The following CSMD1 variants were observed in gnomAD, a reference collection of about 807,000 sequenced individuals.
CSMD1 encodes the protein CUB and Sushi multiple domains 1, also known as CUB and sushi domain-containing protein 1.
CSMD1 carries 213 observed loss-of-function variants against 417.5 expected under a neutral mutation model. The observed-to-expected ratio is 0.51, with a 90% CI of 0.46 to 0.57. CSMD1 has a LOEUF of 0.57. CSMD1 is among the 20% of genes least tolerant of loss of function. The pLI, the probability that CSMD1 is intolerant of heterozygous loss-of-function variation, is 0.00. For synonymous variants in CSMD1, 2,862 were observed against 1,736.8 expected (o/e 1.65, Z -16.11); for missense variants, 6,923 against 4,529.7 (o/e 1.53, Z -15.17).
intron 2 of CSMD1, among the ~76,000 whole-genome samples, chr8:4,475,985 G>A (rs1034939921): frequency 3.9e-5 from 6 of 152,004 alleles, no homozygotes; most frequent in African/African-American, 1.4e-4. Flanking sequence ...TATTTGCACA[G>A]TCATATCTTT....
intron 7 of CSMD1, among the ~76,000 whole-genome samples, chr8:3,687,710 G>A (rs1800009307): frequency 6.6e-6 from 1 of 152,140 alleles, no homozygotes; most frequent in African/African-American, 2.4e-5. Flanking sequence ...GATGGCTGGT[G>A]GCCTTTGGAA....
intron 18 of CSMD1, among the ~76,000 whole-genome samples, chr8:3,381,827 A>T (rs976969209): frequency 6.6e-6 from 1 of 152,208 alleles, no homozygotes; most frequent in African/African-American, 2.4e-5. Flanking sequence ...GGCGAGCATG[A>T]GAGTTACAAT....
At position 3,695,464 on chromosome 8, in the gene CSMD1, G is replaced by T. The variant is rs78308118; in HGVS notation, c.1009+12950C>A. ...ATTGAATATTAATATAAAATCATGA[G>T]AAATACAAATCTGGCTTTACCTTAT... is the stretch of plus-strand genomic sequence containing the variant. On this transcript the variant is annotated intron_variant, in intron 7 of 69. Transcript: ENST00000635120. Among the ~76,000 whole-genome samples, 4 of 152,108 alleles carry T rather than the reference G, an allele frequency of 2.6e-5. No individual in the cohort carries two copies. The East Asian group carries it at 5.8e-4, about 22-fold the overall frequency.
At chr8:4,212,750 TC>T (rs1378222881) in intron 3 of CSMD1, among the ~76,000 whole-genome samples, 80 of 97,904 alleles carry the variant, frequency 8.2e-4, no homozygotes, top group East Asian at 3.1e-3. Context: ...GCGGCCTTAT[TC>T]TTTTTTTTTT....
rs575496796 is a variant in CSMD1, at chr8:3,956,221, T to A, written c.818+41682A>T. On this transcript the variant is annotated intron_variant, in intron 5 of 69. Coordinates refer to ENST00000635120, the MANE Select transcript of CSMD1 (RefSeq NM_033225.6). ...AACTAAATGTAGATAGCATATAATG[T>A]GCCAGGTGGTGTTGTTAACTTTTTC... Among the ~76,000 whole-genome samples the A allele has an allele frequency of 4.6e-5, 7 of 152,194 alleles. No individual in the cohort carries two copies. The South Asian group carries it at 1.5e-3, about 32-fold the overall frequency.
At chr8:4,477,496 C>A (rs973771523) in intron 2 of CSMD1, among the ~76,000 whole-genome samples, 1 of 152,190 alleles carries the variant, frequency 6.6e-6, no homozygotes, top group African/African-American at 2.4e-5. Flanking sequence ...AATTAAAATG[C>A]AGCATTACGT....
rs529625473 is a variant in CSMD1, at chr8:3,847,310, T to G, written c.819-93268A>C. ...CAAAGGCAGTTGATTTGGGAGAACC[T>G]GACCTACTTAGAGGAACCCTTAAAA... On this transcript the variant is annotated intron_variant, in intron 5 of 69. Transcript: ENST00000635120. Among the ~76,000 whole-genome samples the G allele has an allele frequency of 1.5e-4, 23 of 152,276 alleles. No individual in the cohort carries two copies. In the East Asian group the frequency reaches 4.4e-3, roughly 29 times the overall value.
chr8:4,451,365 T>A (rs1411926951), intron 2 of CSMD1, among the ~76,000 whole-genome samples: 1 of 152,094 alleles, frequency 6.6e-6, no homozygotes, highest in Non-Finnish European at 1.5e-5. Flanking sequence ...AATAAGGCAA[T>A]CACAAGTGTT....
intron 7 of CSMD1, among the ~76,000 whole-genome samples, chr8:3,661,600 G>C (rs1479742419): frequency 6.6e-6 from 1 of 152,092 alleles, no homozygotes; most frequent in Non-Finnish European, 1.5e-5. Context: ...GGGTTCAAGT[G>C]ATTCTCCCGC....
At chr8:4,373,102 C>G (rs989809454) in intron 3 of CSMD1, among the ~76,000 whole-genome samples, 3 of 152,156 alleles carry the variant, frequency 2.0e-5, no homozygotes, top group Admixed American at 6.5e-5. Flanking sequence ...CCCAAAACCC[C>G]AAACTCCAGT....
At chr8:4,294,687 G>A (rs182006762) in intron 3 of CSMD1, among the ~76,000 whole-genome samples, 1 of 151,998 alleles carries the variant, frequency 6.6e-6, no homozygotes, top group Non-Finnish European at 1.5e-5. Context: ...AATATTCTAA[G>A]ATGACCATCT....
At position 4,810,592 on chromosome 8, in the gene CSMD1, T is replaced by A. The variant is rs568045378; in HGVS notation, c.86-173034A>T. Among the ~76,000 whole-genome samples the A allele has an allele frequency of 1.9e-4, 29 of 152,306 alleles. No homozygotes were observed. The East Asian group carries it at 2.3e-3, about 12-fold the overall frequency. Reference sequence around the variant, plus strand: ...GGGGGGTGGTGGCTGTGTGTCTGTATAATTGCTACTTTCCCTTAGGGGTTC... The same window carrying A: ...GGGGGGTGGTGGCTGTGTGTCTGTAAAATTGCTACTTTCCCTTAGGGGTTC... On this transcript the variant is annotated intron_variant, in intron 1 of 69. Coordinates refer to ENST00000635120, the MANE Select transcript of CSMD1 (RefSeq NM_033225.6).
At chr8:3,327,259 C>T (rs1274985056) in intron 23 of CSMD1, among the ~76,000 whole-genome samples, 2 of 152,058 alleles carry the variant, frequency 1.3e-5, no homozygotes, top group Non-Finnish European at 2.9e-5. Context: ...TCTCCTGCCT[C>T]AGCCTCCCGA....
At chr8:4,319,691 A>C (rs1374297034) in intron 3 of CSMD1, among the ~76,000 whole-genome samples, 1 of 152,258 alleles carries the variant, frequency 6.6e-6, no homozygotes, top group South Asian at 2.1e-4. Flanking sequence ...AAGCAATCCA[A>C]GCAGAATTTG....
chr8:4,039,772 A>G (rs1269377969), intron 3 of CSMD1, among the ~76,000 whole-genome samples: 3 of 152,224 alleles, frequency 2.0e-5, no homozygotes, highest in Non-Finnish European at 4.4e-5. Context: ...CGTTGTGGCA[A>G]GCATTTATAG....
chr8:3,408,274 A>C, intron 13 of CSMD1, 49 bp from the exon 14 acceptor site: 1 of 1,424,038 alleles, frequency 7.0e-7, no homozygotes, highest in East Asian at 2.5e-5. Flanking sequence ...ATATCCAAAG[A>C]ATTGCCATGT....
chr8:3,545,367 T>C (rs1798613803), intron 10 of CSMD1, among the ~76,000 whole-genome samples: 2 of 152,208 alleles, frequency 1.3e-5, no homozygotes, highest in South Asian at 4.1e-4. Context: ...AACATATTCT[T>C]CTACAAAACA....
chr8:3,985,289 T>G (rs980438167), intron 5 of CSMD1, among the ~76,000 whole-genome samples: 1 of 152,218 alleles, frequency 6.6e-6, no homozygotes, highest in Non-Finnish European at 1.5e-5. Context: ...AAAGCACATT[T>G]GCAGATAATA....
At chr8:3,038,259 C>T (rs1810827116) in intron 50 of CSMD1, among the ~76,000 whole-genome samples, 1 of 152,130 alleles carries the variant, frequency 6.6e-6, no homozygotes, top group African/African-American at 2.4e-5. Context: ...TGAAGTTTTG[C>T]AACTTTATTA....
Sources: allele counts gnomAD v4.1 joint callset (sites outside exome capture counted in the v4.1 genomes callset), GRCh38; gene constraint gnomAD v4.1.1; transcripts MANE v1.5; gene names NCBI Gene and HGNC (gene_info 2026-07-23, HGNC 2026-07-21).